Variants in FAM193A observed in about 807,000 individuals in gnomAD.
FAM193A encodes the protein protein FAM193A.
In FAM193A, 22 loss-of-function variants were observed where a neutral mutation model predicts 126.5. That is an observed-to-expected ratio of 0.17 (90% CI 0.12 to 0.25). The LOEUF (loss-of-function observed/expected upper bound fraction) is 0.25, where lower values mean the gene tolerates loss of function less well. Among genes scored for constraint, FAM193A ranks in the 10% least tolerant of loss-of-function variants. The pLI is 1.00. For synonymous variants in FAM193A, 761 were observed against 646.8 expected (o/e 1.18, Z -2.68); for missense variants, 1,675 against 1,672.8 (o/e 1.00, Z -0.02).
intron 12 of FAM193A, among the ~76,000 whole-genome samples, chr4:2,664,842 C>T (rs1241797232): frequency 3.3e-5 from 5 of 152,110 alleles, no homozygotes; most frequent in African/African-American, 9.7e-5. Flanking sequence ...GGATTACAAG[C>T]GTGAGCCACT....
At chr4:2,542,102 G>A (rs1737271917) in intron 1 of FAM193A, among the ~76,000 whole-genome samples, 2 of 150,874 alleles carry the variant, frequency 1.3e-5, no homozygotes, top group Non-Finnish European at 3.0e-5. Flanking sequence ...TGCAACCTCC[G>A]CCTCCTGGGT....
chr4:2,547,730 A>G (rs1038250271), intron 1 of FAM193A, among the ~76,000 whole-genome samples: 8 of 151,424 alleles, frequency 5.3e-5, no homozygotes, highest in Non-Finnish European at 4.4e-5. Flanking sequence ...GGTTCAAGCA[A>G]TTCTCCTGCC....
At position 2,727,707 on chromosome 4, in the gene FAM193A, A is replaced by G. The variant is rs569586772; in HGVS notation, c.4455-4068A>G. 1.6e-4 allele frequency among the ~76,000 whole-genome samples: 24 copies of G among 152,156 alleles called. No individual in the cohort carries two copies. In the South Asian group the frequency reaches 1.7e-3, roughly 11 times the overall value. On this transcript the variant is annotated intron_variant, in intron 20 of 20. Transcript: ENST00000637812. ...AAGACAGAGTGCAGGGGCTCTCTCT[A>G]CCTCTCCTTTGTTTGCCTAAAGGTA...
At chr4:2,679,616 G>A (rs1289516513) in intron 13 of FAM193A, among the ~76,000 whole-genome samples, 1 of 151,602 alleles carries the variant, frequency 6.6e-6, no homozygotes, top group Non-Finnish European at 1.5e-5. Context: ...GACCTCAGGT[G>A]ATCCACCCGC....
intron 13 of FAM193A, among the ~76,000 whole-genome samples, 181 bp from the exon 14 acceptor site, chr4:2,689,325 C>T (rs377159592): frequency 4.6e-5 from 7 of 152,146 alleles, no homozygotes; most frequent in Non-Finnish European, 1.0e-4. Flanking sequence ...TTTGACCTGT[C>T]GTGTACAGTC....
chr4:2,553,907 C>T (rs1423294776), intron 1 of FAM193A, among the ~76,000 whole-genome samples: 5 of 152,012 alleles, frequency 3.3e-5, no homozygotes, highest in African/African-American at 1.2e-4. Flanking sequence ...TTTTGCCTGC[C>T]ACCATCCATG....
chr4:2,588,983 G>A (rs1296023130), intron 1 of FAM193A, among the ~76,000 whole-genome samples: 2 of 152,120 alleles, frequency 1.3e-5, no homozygotes, highest in Non-Finnish European at 2.9e-5. Context: ...GCTGTATGGA[G>A]CCTGAATGTA....
chr4:2,566,237 T>C (rs546672613), intron 1 of FAM193A, among the ~76,000 whole-genome samples: 19 of 152,138 alleles, frequency 1.2e-4, no homozygotes, highest in Admixed American at 2.6e-4. Context: ...TTAGTAGAGA[T>C]GGGGTTTCAC....
chr4:2,577,580 G>A (rs1045433784), intron 1 of FAM193A, among the ~76,000 whole-genome samples: 4 of 151,690 alleles, frequency 2.6e-5, no homozygotes, highest in Admixed American at 1.3e-4. Flanking sequence ...CACCACACCC[G>A]GCTAATTTTT....
intron 2 of FAM193A, among the ~76,000 whole-genome samples, chr4:2,601,563 CT>C (rs201363643): frequency 2.6e-5 from 4 of 151,534 alleles, no homozygotes; most frequent in East Asian, 1.9e-4. Context: ...TTTGTGCCTT[CT>C]TTTTTTTCTT....
At chr4:2,653,418 A>G (rs1745865699) in intron 7 of FAM193A, among the ~76,000 whole-genome samples, 1 of 152,134 alleles carries the variant, frequency 6.6e-6, no homozygotes, top group African/African-American at 2.4e-5. Flanking sequence ...CAGTCTCTTC[A>G]CTAAAGCAAC....
chr4:2,581,022 G>A (rs954744452), intron 1 of FAM193A, among the ~76,000 whole-genome samples: 48 of 151,890 alleles, frequency 3.2e-4, no homozygotes, highest in Non-Finnish European at 5.3e-4. Context: ...CCAGCTACTC[G>A]GGAGGCTGAG....
In FAM193A at chr4:2,659,615, A is replaced by C; in HGVS notation, c.1447A>C (p.Met483Leu). 6.2e-7 allele frequency: 1 copy of C among 1,614,086 alleles called. No individual in the cohort carries two copies. Among genetic ancestry groups the C allele is most frequent in the Non-Finnish European group, 8.5e-7 (1 of 1,180,042 alleles). Residue 483 changes from methionine (M) to leucine (L), a missense_variant, in exon 9 of 21, where the codon ATG (methionine) becomes CTG (leucine). This residue lies in a region of FAM193A where 1,186 missense variants were observed against 1,109.2 expected (regional missense o/e 1.07). Transcript: ENST00000637812. ...ENNFTDTMRH[M>L]LSSRLSMPDC... The stretch of plus-strand genomic sequence containing the variant: ...CAACTTCACAGACACCATGAGGCAC[A>C]TGTTATCGTCCCGGCTGAGCATGCC...
intron 12 of FAM193A, among the ~76,000 whole-genome samples, chr4:2,663,490 A>G (rs1712731443): frequency 6.6e-6 from 1 of 152,130 alleles, no homozygotes; most frequent in Non-Finnish European, 1.5e-5. Flanking sequence ...GCAACACCCC[A>G]TAGCAGCTCT....
At chr4:2,651,893 C>A (rs542151374) in intron 7 of FAM193A, among the ~76,000 whole-genome samples, 2 of 152,228 alleles carry the variant, frequency 1.3e-5, no homozygotes, top group African/African-American at 4.8e-5. Flanking sequence ...GGAGGAGAGT[C>A]CAGACCCCGT....
chr4:2,561,143 A>G (rs1285721930), intron 1 of FAM193A, among the ~76,000 whole-genome samples: 1 of 152,178 alleles, frequency 6.6e-6, no homozygotes, highest in Non-Finnish European at 1.5e-5. Flanking sequence ...CTTCCTCTCA[A>G]GTTCACACTT....
intron 2 of FAM193A, among the ~76,000 whole-genome samples, chr4:2,605,970 CAAAAAAAAAAAAAAAAAA>C (rs1160026686): frequency 3.1e-5 from 1 of 31,892 alleles, no homozygotes; most frequent in Non-Finnish European, 5.5e-5. Flanking sequence ...GACTCTGTCT[CAAAAAAAAAAAAAAAAAA>C]AAAAAAAAAA....
chr4:2,563,960 C>G (rs1738784038), intron 1 of FAM193A, among the ~76,000 whole-genome samples: 1 of 152,202 alleles, frequency 6.6e-6, no homozygotes. Context: ...CTCAGAGAAA[C>G]TCCTTTTTGA....
chr4:2,562,446 C>T (rs1341591491), intron 1 of FAM193A, among the ~76,000 whole-genome samples: 1 of 152,062 alleles, frequency 6.6e-6, no homozygotes, highest in Non-Finnish European at 1.5e-5. Context: ...GAGACCCTGC[C>T]TTTAAGATCA....
Sources: gnomAD v4.1 joint callset for allele counts (sites outside exome capture counted in the v4.1 genomes callset) on GRCh38, gnomAD v4.1.1 for gene constraint, gnomAD v4.1.1 regional missense constraint, MANE v1.5 for transcripts, NCBI Gene and HGNC (gene_info 2026-07-23, HGNC 2026-07-21) for gene names.